OSBPL9: variants seen among roughly 807,000 people sequenced by gnomAD.
The protein encoded by OSBPL9 is oxysterol binding protein like 9.
A neutral mutation model predicts 106.6 loss-of-function variants in OSBPL9; 40 were observed. That is an observed-to-expected ratio of 0.38 (90% CI 0.29 to 0.49). The LOEUF is 0.49. Ranked by LOEUF, OSBPL9 falls within the 20% of genes least tolerant of loss-of-function variation. OSBPL9 has a pLI of 0.97. For synonymous variants in OSBPL9, 269 were observed against 295.4 expected (o/e 0.91, Z 0.92); for missense variants, 609 against 887.2 (o/e 0.69, Z 3.98).
At chr1:51,562,468 T>C in the OSBPL9 span, among the ~76,000 whole-genome samples, 1 of 152,196 alleles carries the variant, frequency 6.6e-6, no homozygotes, top group African/African-American at 2.4e-5. Flanking sequence ...CTTTTCTTTA[T>C]AAATTACCCA....
At chr1:51,727,131 CTTTTTT>C (rs34741660) in intron 4 of OSBPL9, among the ~76,000 whole-genome samples, 1 of 107,344 alleles carries the variant, frequency 9.3e-6, no homozygotes, top group Non-Finnish European at 1.9e-5. Flanking sequence ...GAGATGTAGG[CTTTTTT>C]TTTTTTTTTT....
intron 3 of OSBPL9, chr1:51,709,163 G>T: frequency 6.2e-6 from 1 of 161,822 alleles, no homozygotes; most frequent in East Asian, 1.6e-4. Flanking sequence ...AGCCAGTCAA[G>T]GCACTGCTGC....
the OSBPL9 span, among the ~76,000 whole-genome samples, chr1:51,524,289 A>G: frequency 6.6e-6 from 1 of 152,230 alleles, no homozygotes; most frequent in African/African-American, 2.4e-5. Context: ...AATTGTCATC[A>G]TCACTAACTT....
At chr1:51,748,263 G>A (rs1288761838) in intron 6 of OSBPL9, 106 bp from the exon 7 acceptor site, 1 of 1,343,544 alleles carries the variant, frequency 7.4e-7, no homozygotes, top group African/African-American at 1.5e-5. Context: ...TACTCACTTA[G>A]AATGAGTACA....
chr1:51,579,055 A>ATTTT (rs560800594), intron 1 of OSBPL9, among the ~76,000 whole-genome samples: 1 of 139,394 alleles, frequency 7.2e-6, no homozygotes. Context: ...CTTCAGCAGA[A>ATTTT]TTTTTTTTTT....
At chr1:51,750,745 T>A (rs1399087597) in intron 8 of OSBPL9, among the ~76,000 whole-genome samples, 1 of 152,210 alleles carries the variant, frequency 6.6e-6, no homozygotes, top group Non-Finnish European at 1.5e-5. Flanking sequence ...ATATATATTT[T>A]ATTGCCTGAG....
chr1:51,731,574 C>T (rs1043333767), intron 4 of OSBPL9, among the ~76,000 whole-genome samples: 5 of 152,016 alleles, frequency 3.3e-5, no homozygotes, highest in Admixed American at 3.3e-4. Context: ...GTCAGGGGTT[C>T]GAGACCAGAC....
intron 5 of OSBPL9, among the ~76,000 whole-genome samples, chr1:51,746,040 C>A (rs1202602616): frequency 6.6e-6 from 1 of 152,166 alleles, no homozygotes; most frequent in Non-Finnish European, 1.5e-5. Context: ...CAGCTCACTG[C>A]AACCTCCGCC....
In OSBPL9 at chr1:51,786,684, G is replaced by A. The variant is rs11205889; in HGVS notation, c.2000+67G>A. On this transcript the variant is annotated intron_variant, in intron 22 of 23. Coordinates refer to ENST00000428468, the MANE Select transcript of OSBPL9 (RefSeq NM_024586.6). ...AAACTTTGCCTAGGCGTAGGCACAG[G>A]GCTGGGTTTGAGAGACAGTAGGGCA... The A allele has an allele frequency of 5.5e-4, 735 of 1,339,684 alleles. 4 individuals are homozygous for A. In the African/African-American group the frequency reaches 9.1e-3, roughly 17 times the overall value. The allele number at this position is 1,339,684 out of a possible 1,614,324, so 83.0% of individuals were successfully genotyped here.
chr1:51,623,349 TA>T (rs1379662618), intron 1 of OSBPL9, among the ~76,000 whole-genome samples: 2 of 152,202 alleles, frequency 1.3e-5, no homozygotes, highest in Admixed American at 1.3e-4. Context: ...AGGTCAATGT[TA>T]AAAATGAGGA....
chr1:51,755,055 C>T (rs1261151936), intron 8 of OSBPL9, among the ~76,000 whole-genome samples: 2 of 152,116 alleles, frequency 1.3e-5, no homozygotes, highest in Non-Finnish European at 2.9e-5. Context: ...GATTCTCCGT[C>T]CTCGGCCTTC....
chr1:51,747,220 A>T (rs1353351245), intron 6 of OSBPL9, among the ~76,000 whole-genome samples: 1 of 151,988 alleles, frequency 6.6e-6, no homozygotes, highest in Non-Finnish European at 1.5e-5. Context: ...ACCCACCTTG[A>T]CCTCCCAAAG....
chr1:51,726,035 T>C (rs538429865), intron 4 of OSBPL9, among the ~76,000 whole-genome samples: 2 of 152,342 alleles, frequency 1.3e-5, no homozygotes, highest in South Asian at 4.1e-4. Context: ...ATACATATTT[T>C]ATATGTTTTC....
chr1:51,748,383 CAAAG>C lies in OSBPL9; in HGVS notation c.479_482del (p.Lys160ArgfsTer7). On this transcript the variant is annotated frameshift_variant, in exon 7 of 24. Transcript: ENST00000428468. LOFTEE classifies it high-confidence loss of function. Reference sequence around the variant, plus strand: ...ATTTTTCACAGAAAATTGAAACTCTCAAAGAGACAACAAATGTAAGTTATATGTT... The same window carrying C: ...ATTTTTCACAGAAAATTGAAACTCTCAGACAACAAATGTAAGTTATATGTT... The C allele has an allele frequency of 2.0e-6, 3 of 1,521,968 alleles. No individual in the cohort carries two copies. The highest frequency in any genetic ancestry group is 1.3e-5 in the South Asian group (1 of 74,888). 94.3% of individuals were successfully genotyped at this position (1,521,968 alleles called of 1,614,324 possible).
Position 51,766,808 on chromosome 1 carries a change from C to T in OSBPL9, c.938+827C>T, listed in dbSNP as rs769160507. 4.6e-5 allele frequency among the ~76,000 whole-genome samples: 7 copies of T among 151,904 alleles called. 1 individual carries two copies. The East Asian group carries it at 1.2e-3, about 25-fold the overall frequency. The stretch of plus-strand genomic sequence containing the variant: ...TAGGGAGGCCAAGTGTGGTGGCTCA[C>T]GCCTGTAATCCCAGCACTTTGGGAG... On this transcript the variant is annotated intron_variant, in intron 12 of 23. Coordinates refer to ENST00000428468, the MANE Select transcript of OSBPL9 (RefSeq NM_024586.6).
chr1:51,728,814 C>T (rs1193702889), intron 4 of OSBPL9, among the ~76,000 whole-genome samples: 2 of 152,256 alleles, frequency 1.3e-5, no homozygotes, highest in Middle Eastern at 3.4e-3. Flanking sequence ...AGTGAGCCAC[C>T]GCGCCTGGCC....
chr1:51,746,662 G>C, intron 5 of OSBPL9, 48 bp from the exon 6 acceptor site: 1 of 1,342,284 alleles, frequency 7.4e-7, no homozygotes. Flanking sequence ...AATGTACATC[G>C]TATAGTAAAG....
chr1:51,778,174 G>A (rs549073816), intron 15 of OSBPL9, among the ~76,000 whole-genome samples: 1 of 151,988 alleles, frequency 6.6e-6, no homozygotes, highest in South Asian at 2.1e-4. Flanking sequence ...TAAAAGTACA[G>A]TTCAAAAGCC....
the OSBPL9 span, among the ~76,000 whole-genome samples, chr1:51,549,725 C>T: frequency 3.3e-5 from 5 of 152,120 alleles, no homozygotes; most frequent in East Asian, 5.8e-4. Context: ...CCAAGCTACT[C>T]GGGAGGCTGA....
Sources: allele counts gnomAD v4.1 joint callset (sites outside exome capture counted in the v4.1 genomes callset), GRCh38; gene constraint gnomAD v4.1.1; transcripts MANE v1.5; gene names NCBI Gene and HGNC (gene_info 2026-07-23, HGNC 2026-07-21).